Variants in EDAR observed in about 807,000 individuals in gnomAD.
EDAR encodes the protein ectodysplasin A receptor.
Under a neutral mutation model 51.3 loss-of-function variants are expected in EDAR, and 38 were observed. The ratio of observed to expected loss-of-function variants is 0.74; its 90% CI spans 0.57 to 0.97. The LOEUF (loss-of-function observed/expected upper bound fraction) is 0.97. EDAR is among the 50% of genes least tolerant of loss of function. EDAR has a pLI of 0.00. For missense variants in EDAR, 528 were observed against 595.0 expected (o/e 0.89, Z 1.17); for synonymous variants, 227 against 242.1 (o/e 0.94, Z 0.58).
chr2:108,944,960 C>T (rs954537507), intron 1 of EDAR, among the ~76,000 whole-genome samples: 2 of 152,186 alleles, frequency 1.3e-5, no homozygotes, highest in African/African-American at 4.8e-5. Flanking sequence ...TGGATGTTTC[C>T]CGTGGTGCAA....
At chr2:108,927,078 C>G (rs1001546634) in intron 4 of EDAR, among the ~76,000 whole-genome samples, 57 of 152,166 alleles carry the variant, frequency 3.7e-4, no homozygotes, top group African/African-American at 1.4e-3. Context: ...TTGGGACTGG[C>G]AGTGAGGCTT....
chr2:108,964,891 AACAGCACGTCTGG>A (rs1457632728), intron 1 of EDAR, among the ~76,000 whole-genome samples: 2 of 152,208 alleles, frequency 1.3e-5, no homozygotes, highest in African/African-American at 4.8e-5. Context: ...CATACTTAAT[AACAGCACGTCTGG>A]AATAAGGAAC....
intron 1 of EDAR, among the ~76,000 whole-genome samples, chr2:108,949,685 T>C (rs1396696665): frequency 1.3e-5 from 2 of 152,142 alleles, no homozygotes; most frequent in African/African-American, 4.8e-5. Flanking sequence ...GAACTAATCA[T>C]CCAACCAGAG....
At chr2:108,921,941 G>A (rs181781674) in intron 5 of EDAR, among the ~76,000 whole-genome samples, 3 of 152,358 alleles carry the variant, frequency 2.0e-5, no homozygotes, top group East Asian at 1.9e-4. Flanking sequence ...CCTCGGAGCC[G>A]GCTTTCAGTA....
intron 4 of EDAR, among the ~76,000 whole-genome samples, chr2:108,927,584 C>T (rs1396153019): frequency 5.9e-5 from 9 of 152,140 alleles, no homozygotes; most frequent in Admixed American, 5.9e-4. Flanking sequence ...CAGCATAGGT[C>T]GGCGAGGTTC....
At chr2:108,936,713 A>C (rs1461724154) in intron 1 of EDAR, among the ~76,000 whole-genome samples, 3 of 152,164 alleles carry the variant, frequency 2.0e-5, no homozygotes, top group African/African-American at 7.2e-5. Context: ...ATTTGATGTG[A>C]TTTACAGCTC....
At chr2:108,980,506 G>A (rs1318971351) in intron 1 of EDAR, among the ~76,000 whole-genome samples, 1 of 144,514 alleles carries the variant, frequency 6.9e-6, no homozygotes, top group African/African-American at 2.8e-5. Context: ...GTGATATTAT[G>A]TGTGTATGTA....
At chr2:108,987,277 A>C (rs260680) in intron 1 of EDAR, among the ~76,000 whole-genome samples, 1 of 152,244 alleles carries the variant, frequency 6.6e-6, no homozygotes. Flanking sequence ...CCCAGCTTCC[A>C]TCTGTGGGCC....
chr2:108,988,346 C>G (rs1329309524), intron 1 of EDAR, among the ~76,000 whole-genome samples: 1 of 152,166 alleles, frequency 6.6e-6, no homozygotes, highest in African/African-American at 2.4e-5. Flanking sequence ...GAGCCCAACC[C>G]ACCCCACGGT....
At chr2:108,939,559 G>C (rs1356517277) in intron 1 of EDAR, among the ~76,000 whole-genome samples, 1 of 149,004 alleles carries the variant, frequency 6.7e-6, no homozygotes, top group Non-Finnish European at 1.5e-5. Flanking sequence ...TGGAAAAGTA[G>C]AGAGAGAGGG....
At chr2:108,934,309 G>A (rs1223382693) in intron 1 of EDAR, among the ~76,000 whole-genome samples, 1 of 152,176 alleles carries the variant, frequency 6.6e-6, no homozygotes, top group Non-Finnish European at 1.5e-5. Context: ...ATACAGGCAG[G>A]AGGTGGGCCA....
In EDAR at chr2:108,908,010, A is replaced by G. The variant is rs3749098; in HGVS notation, c.813T>C (p.Asp271=). Residue 271 remains aspartate, a synonymous_variant, in exon 10 of 12, where the codon GAT becomes GAC. Coordinates refer to ENST00000258443, the MANE Select transcript of EDAR (RefSeq NM_022336.4). ...TPAKPTKSEN[D]ASSENEQLLS... ...GCAGCTGCTCATTCTCGGATGAGGC[A>G]TCGTTCTCGCTGCAAAAACAAGAGC... The G allele has an allele frequency of 6.9e-3, 11,049 of 1,608,416 alleles. 87 individuals are homozygous for G. The highest frequency in any genetic ancestry group is 0.03 in the East Asian group (1,357 of 44,704).
chr2:108,911,214 C>T lies in EDAR; in HGVS notation c.530-142G>A, dbSNP rs1477245620. The T allele has an allele frequency of 4.7e-6, 5 of 1,052,742 alleles. No individual in the cohort carries two copies. The African/African-American group carries it at 6.3e-5, about 13-fold the overall frequency. 65.2% of individuals were successfully genotyped at this position (1,052,742 alleles called of 1,614,324 possible). A position where few individuals can be genotyped will look rare whatever the true frequency, so the allele number is the denominator to read the frequency against. On this transcript the variant is annotated intron_variant, in intron 6 of 11. Coordinates refer to ENST00000258443, the MANE Select transcript of EDAR (RefSeq NM_022336.4). ...CTGAAATCTGAGGTGCTTGCTTAGA[C>T]TGAGAACCAAATCCTCCGCGCTGGT...
intron 4 of EDAR, among the ~76,000 whole-genome samples, chr2:108,924,422 G>A (rs914718467): frequency 1.3e-5 from 2 of 152,204 alleles, no homozygotes; most frequent in Admixed American, 6.5e-5. Context: ...AATGCTCAGC[G>A]GAGAGCATGG....
rs1696607721 is a variant in EDAR at position 108,896,947 on chromosome 2, C to T, written c.1307G>A (p.Gly436Glu). Reference protein sequence around the residue: ...SLCADILEWAGVVPPASQPHA... With the variant: ...SLCADILEWAEVVPPASQPHA... ...TGGCTGGGAGGCAGGTGGCACAACC[C>T]CCGCCCACTCCAGTATGTCTGCACA... Residue 436 changes from glycine (G) to glutamate (E), a missense_variant, in exon 12 of 12, where the codon GGG becomes GAG. Coordinates refer to ENST00000258443, the MANE Select transcript of EDAR (RefSeq NM_022336.4). 1 of 1,613,296 alleles carries T rather than the reference C, an allele frequency of 6.2e-7. No homozygotes were observed. The highest frequency in any genetic ancestry group is 8.5e-7 in the Non-Finnish European group (1 of 1,179,758).
chr2:108,919,650 G>A (rs1035798078), intron 5 of EDAR, among the ~76,000 whole-genome samples: 2 of 152,160 alleles, frequency 1.3e-5, no homozygotes, highest in Non-Finnish European at 1.5e-5. Flanking sequence ...GAGCCACTGC[G>A]CCTGGCCCTG....
At chr2:108,920,593 G>A (rs970030323) in intron 5 of EDAR, among the ~76,000 whole-genome samples, 3 of 152,130 alleles carry the variant, frequency 2.0e-5, no homozygotes, top group African/African-American at 4.8e-5. Context: ...AGCTGGGGGC[G>A]AGTATGTTCC....
chr2:108,910,897 A>T lies in EDAR; in HGVS notation c.656-47T>A, dbSNP rs754642923. 7 of 1,613,652 alleles carry T rather than the reference A, an allele frequency of 4.3e-6. No individual in the cohort carries two copies. In the South Asian group the frequency reaches 7.7e-5, roughly 18 times the overall value. On this transcript the variant is annotated intron_variant, in intron 7 of 11. Transcript: ENST00000258443. The stretch of plus-strand genomic sequence containing the variant: ...AGCAGCCAGGCTCTCCGACAGGGGG[A>T]GTTGACGGAGAGTCCAGGAAGCAGG...
In EDAR at chr2:108,929,349, A is replaced by T; in HGVS notation, c.205T>A (p.Tyr69Asn). 6.2e-7 allele frequency: 1 copy of T among 1,614,160 alleles called. No individual in the cohort carries two copies. The highest frequency in any genetic ancestry group is 8.5e-7 in the Non-Finnish European group (1 of 1,180,046). ...TCCGCCGGGCAGGGGACGCAGCCGT[A>T]GTCCTCGTCTTTGGTGCCGTAGCCA... is the stretch of plus-strand genomic sequence containing the variant. Reference protein sequence around the residue: ...SCGYGTKDEDYGCVPCPAEKF... With the variant: ...SCGYGTKDEDNGCVPCPAEKF... Residue 69 changes from tyrosine to asparagine, a missense_variant, in exon 4 of 12, where the codon TAC becomes AAC. By Grantham distance (143) the Tyr-to-Asn change is moderately radical. Transcript: ENST00000258443.
Sources: gnomAD v4.1 joint callset for allele counts (sites outside exome capture counted in the v4.1 genomes callset) on GRCh38, gnomAD v4.1.1 for gene constraint, MANE v1.5 for transcripts, NCBI Gene and HGNC (gene_info 2026-07-23, HGNC 2026-07-21) for gene names.